Variants in PIGN observed in about 807,000 individuals in gnomAD.
PIGN encodes the protein GPI ethanolamine phosphate transferase 1.
In PIGN, 117 loss-of-function variants were observed where a neutral mutation model predicts 125.4. That is an observed-to-expected ratio of 0.93 (90% CI 0.80 to 1.09). The LOEUF is 1.09. Ranked by LOEUF, PIGN falls within the 50% of genes least tolerant of loss-of-function variation. The pLI is 0.00. For synonymous variants in PIGN, 392 were observed against 377.8 expected (o/e 1.04, Z -0.44); for missense variants, 1,075 against 1,094.9 (o/e 0.98, Z 0.26).
chr18:62,148,647 AAG>A, intron 7 of PIGN, among the ~76,000 whole-genome samples: 1 of 152,286 alleles, frequency 6.6e-6, no homozygotes, highest in Admixed American at 6.5e-5. Context: ...CAGCAGATTG[AAG>A]ACATATTTTG....
chr18:62,075,966 C>T (rs12607333), intron 28 of PIGN: 45,683 of 151,700 alleles, frequency 0.3, 8,021 homozygotes, highest in East Asian at 0.58. Flanking sequence ...GATGGAGTCT[C>T]GCTCCGTCGC....
intron 17 of PIGN, among the ~76,000 whole-genome samples, chr18:62,109,037 C>G (rs1365386948): frequency 2.0e-5 from 3 of 152,198 alleles, no homozygotes; most frequent in African/African-American, 7.2e-5. Context: ...AATAGGCTCT[C>G]ATTCTTTCAT....
chr18:62,108,536 C>T (rs1002519919), intron 17 of PIGN, among the ~76,000 whole-genome samples: 2 of 151,820 alleles, frequency 1.3e-5, no homozygotes, highest in African/African-American at 4.8e-5. Context: ...TGTCTTTTTG[C>T]CTTATAGTTA....
At chr18:62,027,081 T>C (rs1021426034) in intron 23 of PIGN, among the ~76,000 whole-genome samples, 10 of 152,252 alleles carry the variant, frequency 6.6e-5, no homozygotes, top group Admixed American at 5.2e-4. Flanking sequence ...CAGGCACCTG[T>C]AACCCCAGCT....
At chr18:62,145,099 G>T (rs116318526) in intron 10 of PIGN, among the ~76,000 whole-genome samples, 2,068 of 151,926 alleles carry the variant, frequency 0.014, 46 homozygotes, top group African/African-American at 0.047. Context: ...TTATCATAAT[G>T]TGTAAGTTTT....
At chr18:62,166,128 G>C (rs901675974) in intron 1 of PIGN, among the ~76,000 whole-genome samples, 3 of 152,204 alleles carry the variant, frequency 2.0e-5, no homozygotes, top group Non-Finnish European at 4.4e-5. Flanking sequence ...AGAGGGGATG[G>C]AATGGAGAGC....
In PIGN at chr18:62,114,610, A is replaced by C. The variant is rs2035017172; in HGVS notation, c.1202T>G (p.Ile401Ser). The change falls in exon 15 of 31, where the codon ATT becomes AGT. Residue 401 changes from isoleucine to serine, a missense_variant. By Grantham distance (142) the Ile-to-Ser change is moderately radical. Coordinates refer to ENST00000640252, the MANE Select transcript of PIGN (RefSeq NM_176787.5). ...TATATAAGATCTTGCTTTTCTTAAA[A>C]TGTTGAACTGTTTGGAATCAGAAAG... The part of the protein sequence containing the change: ...KLLSDSKQFN[I>S]LRKARSYIKH... 2 of 1,522,398 alleles carry C rather than the reference A, an allele frequency of 1.3e-6. No individual in the cohort carries two copies. Among genetic ancestry groups the C allele is most frequent in the African/African-American group, 1.4e-5 (1 of 72,616 alleles). The allele number at this position is 1,522,398 out of a possible 1,614,324, so 94.3% of individuals were successfully genotyped here. A position where few individuals can be genotyped will look rare whatever the true frequency, so the allele number is the denominator to read the frequency against.
At position 62,114,585 on chromosome 18, in the gene PIGN, T is replaced by C. The variant is rs1167476064; in HGVS notation, c.1227A>G (p.Ile409Met). 3.3e-6 allele frequency: 5 copies of C among 1,521,846 alleles called. No individual in the cohort carries two copies. Among genetic ancestry groups the C allele is most frequent in the Non-Finnish European group, 4.5e-6 (5 of 1,119,896 alleles). The allele number at this position is 1,521,846 out of a possible 1,614,324, so 94.3% of individuals were successfully genotyped here. A position where few individuals can be genotyped will look rare whatever the true frequency, so the allele number is the denominator to read the frequency against. Reference sequence around the variant, plus strand: ...CCACTTCATCAAACTTTCTGTGTTTTATATAAGATCTTGCTTTTCTTAAAA... The same window carrying C: ...CCACTTCATCAAACTTTCTGTGTTTCATATAAGATCTTGCTTTTCTTAAAA... ...FNILRKARSY[I>M]KHRKFDEVVS... Residue 409 changes from isoleucine to methionine, a missense_variant, in exon 15 of 31, where the codon ATA becomes ATG. Physicochemically the swap from Ile to Met is conservative, Grantham distance 10 (BLOSUM62 1). This residue lies in a region of PIGN where 915 missense variants were observed against 908.7 expected (regional missense o/e 1.01). Transcript: ENST00000640252.
intron 8 of PIGN, 36 bp from the exon 9 acceptor site, chr18:62,147,137 A>G (rs1219512364): frequency 1.3e-6 from 2 of 1,553,728 alleles, no homozygotes; most frequent in Admixed American, 4.0e-5. Flanking sequence ...AATTAAATTA[A>G]TTTGGAGAAA....
intron 17 of PIGN, among the ~76,000 whole-genome samples, chr18:62,108,113 G>A (rs1450065468): frequency 6.6e-6 from 1 of 152,148 alleles, no homozygotes; most frequent in African/African-American, 2.4e-5. Context: ...TGAGGAAGGT[G>A]CCATGTAGGA....
At chr18:62,070,757 A>G (rs553257005) in intron 30 of PIGN, among the ~76,000 whole-genome samples, 59 of 152,220 alleles carry the variant, frequency 3.9e-4, no homozygotes, top group Non-Finnish European at 7.5e-4. Context: ...CACAATAAAA[A>G]GGAACCTGAC....
chr18:62,046,250 C>T (rs1599385087), intron 30 of PIGN, among the ~76,000 whole-genome samples: 2 of 152,070 alleles, frequency 1.3e-5, no homozygotes, highest in East Asian at 3.9e-4. Flanking sequence ...AAAATGGTGC[C>T]GTATTTGCAT....
intron 15 of PIGN, 148 bp from the exon 16 acceptor site, chr18:62,113,464 A>G (rs1398280947): frequency 1.7e-6 from 1 of 574,968 alleles, no homozygotes; most frequent in Admixed American, 3.6e-5. Context: ...AACAGATTTT[A>G]ATTGTTCCAG....
chr18:62,074,476 T>C (rs2033065990), intron 29 of PIGN, among the ~76,000 whole-genome samples: 1 of 152,188 alleles, frequency 6.6e-6, no homozygotes, highest in Non-Finnish European at 1.5e-5. Flanking sequence ...AGAAAAATGA[T>C]GTATTATCTA....
At position 62,027,061 on chromosome 18, in the gene PIGN, G is replaced by T. The variant is rs1383877568; in HGVS notation, c.2143-9320C>A. On this transcript the variant is annotated intron_variant, in intron 23 of 24. Coordinates refer to the PIGN transcript ENST00000639600. ...CTACTAAAAATACAAAAATTAGCTGGGTGTGGTGGCAGGCACCTGTAACCC... is the reference window on the plus strand; with the variant it reads ...CTACTAAAAATACAAAAATTAGCTGTGTGTGGTGGCAGGCACCTGTAACCC... Among the ~76,000 whole-genome samples, 3 of 152,130 alleles carry T rather than the reference G, an allele frequency of 2.0e-5. No homozygotes were observed. In the South Asian group the frequency reaches 6.2e-4, roughly 32 times the overall value.
At chr18:62,057,364 T>C (rs931479530) in intron 30 of PIGN, among the ~76,000 whole-genome samples, 5 of 152,210 alleles carry the variant, frequency 3.3e-5, no homozygotes, top group African/African-American at 1.2e-4. Flanking sequence ...TTACTCAAGA[T>C]TAAAAAACAA....
intron 1 of PIGN, among the ~76,000 whole-genome samples, chr18:62,185,828 T>C (rs1407668174): frequency 6.6e-6 from 1 of 152,228 alleles, no homozygotes; most frequent in Non-Finnish European, 1.5e-5. Context: ...GTTGATCTTC[T>C]AAACTTAGGA....
At chr18:62,175,467 A>G (rs886902920) in intron 1 of PIGN, among the ~76,000 whole-genome samples, 7 of 152,060 alleles carry the variant, frequency 4.6e-5, no homozygotes, top group African/African-American at 9.7e-5. Flanking sequence ...TTCCCTTTCA[A>G]TGTAAATTAG....
chr18:62,095,847 C>A lies in PIGN; in HGVS notation c.2180+1G>T. On this transcript the variant is annotated splice_donor_variant, in intron 23 of 30. Transcript: ENST00000640252. LOFTEE classifies it high-confidence loss of function. Reference sequence around the variant, plus strand: ...AAATTAAATTGTTAAAAAGTTTATACCCTGTGCTTAGAAGTAGGTAGGTTG... The same window carrying A: ...AAATTAAATTGTTAAAAAGTTTATAACCTGTGCTTAGAAGTAGGTAGGTTG... 5 of 1,562,854 alleles carry A rather than the reference C, an allele frequency of 3.2e-6. No homozygotes were observed. Among genetic ancestry groups the A allele is most frequent in the Non-Finnish European group, 4.4e-6 (5 of 1,133,808 alleles).
Sources: gnomAD v4.1 joint callset for allele counts (sites outside exome capture counted in the v4.1 genomes callset) on GRCh38, gnomAD v4.1.1 for gene constraint, gnomAD v4.1.1 regional missense constraint, MANE v1.5 for transcripts, NCBI Gene and HGNC (gene_info 2026-07-23, HGNC 2026-07-21) for gene names.